Variants in SCNN1B observed in about 807,000 individuals in gnomAD.
SCNN1B encodes sodium channel epithelial 1 subunit beta, also known as epithelial sodium channel subunit beta.
Under a neutral mutation model 65.3 loss-of-function variants are expected in SCNN1B, and 46 were observed. The observed-to-expected ratio is 0.70, with a 90% CI of 0.56 to 0.90. SCNN1B has a LOEUF of 0.90. Ranked by LOEUF, SCNN1B falls within the 40% of genes least tolerant of loss-of-function variation. The probability of loss-of-function intolerance (pLI) is 0.00; values close to 1 mark genes in which losing one functional copy is unlikely to be tolerated. For synonymous variants in SCNN1B, 349 were observed against 330.6 expected, an observed-to-expected ratio of 1.06 and a Z score of -0.60; for missense variants, 751 against 830.5, an observed-to-expected ratio of 0.90 and a Z score of 1.18.
At chr16:23,368,626 G>C (rs376895981) in intron 5 of SCNN1B, among the ~76,000 whole-genome samples, 2 of 152,122 alleles carry the variant, frequency 1.3e-5, no homozygotes, top group African/African-American at 4.8e-5. Flanking sequence ...ATAGTAAATC[G>C]TATCTACCGT....
At chr16:23,371,727 G>A in intron 6 of SCNN1B, 49 bp from the exon 7 acceptor site, 2 of 1,463,338 alleles carry the variant, frequency 1.4e-6, no homozygotes, top group Non-Finnish European at 9.6e-7. Flanking sequence ...TGCAGAAAGG[G>A]CTTCCTGGGG....
At chr16:23,347,059 T>C (rs1962205286) in intron 1 of SCNN1B, among the ~76,000 whole-genome samples, 1 of 152,124 alleles carries the variant, frequency 6.6e-6, no homozygotes, top group Admixed American at 6.6e-5. Flanking sequence ...ATCATGCCAC[T>C]GCACTCCAGC....
At chr16:23,364,342 G>A (rs1175618809) in intron 4 of SCNN1B, among the ~76,000 whole-genome samples, 1 of 152,186 alleles carries the variant, frequency 6.6e-6, no homozygotes, top group East Asian at 1.9e-4. Flanking sequence ...ATGGGGAGAA[G>A]CCAGTATCTG....
rs574373607 is a variant in SCNN1B, at chr16:23,307,469, G to A, written c.-9+5032G>A. Among the ~76,000 whole-genome samples, 30 of 151,948 alleles carry A rather than the reference G, an allele frequency of 2.0e-4. No homozygotes were observed. The South Asian group carries it at 5.4e-3, about 27-fold the overall frequency. The stretch of plus-strand genomic sequence containing the variant: ...CAAGTAGCTGGGATTACAAGAGTCC[G>A]CCACCATGCCCAGCTAATTTTTGTA... On this transcript the variant is annotated intron_variant, in intron 1 of 12. Transcript: ENST00000343070.
At chr16:23,330,972 G>A (rs1283421480) in intron 1 of SCNN1B, among the ~76,000 whole-genome samples, 1 of 152,166 alleles carries the variant, frequency 6.6e-6, no homozygotes, top group African/African-American at 2.4e-5. Flanking sequence ...AAGGACCCTG[G>A]CACATGCTCC....
chr16:23,376,106 T>A (rs1038916074), intron 8 of SCNN1B, among the ~76,000 whole-genome samples: 2 of 152,254 alleles, frequency 1.3e-5, no homozygotes, highest in African/African-American at 4.8e-5. Context: ...GCACGTGTCC[T>A]TGTGGGCCTG....
chr16:23,335,745 C>A (rs1363343182), intron 1 of SCNN1B, among the ~76,000 whole-genome samples: 2 of 146,452 alleles, frequency 1.4e-5, no homozygotes, highest in Non-Finnish European at 3.0e-5. Context: ...CTGTGCCCGG[C>A]CTCTATTTTT....
At chr16:23,371,588 G>T (rs34622290) in intron 6 of SCNN1B, 126 bp downstream of exon 6, 3 of 1,139,774 alleles carry the variant, frequency 2.6e-6, no homozygotes, top group South Asian at 1.4e-5. Context: ...CCTTCCTTTT[G>T]GCTGGAATCC....
At chr16:23,297,797 G>T (rs1961018560), upstream of SCNN1B, among the ~76,000 whole-genome samples, 1 of 152,008 alleles carries the variant, frequency 6.6e-6, no homozygotes, top group Non-Finnish European at 1.5e-5. Context: ...AATGAATGAA[G>T]TCAACACCCC....
At position 23,380,036 on chromosome 16, in the gene SCNN1B, G is replaced by T. The variant is rs1377116276; in HGVS notation, c.1467-58G>T. 3 of 1,266,254 alleles carry T rather than the reference G, an allele frequency of 2.4e-6. No homozygotes were observed. The highest frequency in any genetic ancestry group is 3.5e-6 in the Non-Finnish European group (3 of 863,026). 78.4% of individuals were successfully genotyped at this position (1,266,254 alleles called of 1,614,324 possible). On this transcript the variant is annotated intron_variant, in intron 11 of 12. Transcript: ENST00000343070. This position sits in a 1 kb window ranked among gnomAD's most constrained non-coding sequence, Gnocchi z 5.4. ...CATGTGTCTATGTGCGTGTGTGTGT[G>T]TCTGTCTGTTTGGAAGGGGGATACA...
intron 7 of SCNN1B, chr16:23,372,270 A>G: frequency 3.0e-6 from 1 of 336,138 alleles, no homozygotes; most frequent in South Asian, 2.8e-5. Context: ...TCCTGCCATG[A>G]ATCTACAATA....
intron 1 of SCNN1B, among the ~76,000 whole-genome samples, chr16:23,343,615 GAAA>G (rs1962117210): frequency 9.4e-5 from 10 of 106,854 alleles, no homozygotes; most frequent in African/African-American, 3.8e-4. Flanking sequence ...AAGAAAGAAA[GAAA>G]GAAAGAAAGA....
Position 23,316,579 on chromosome 16 carries a change from C to T in SCNN1B, c.-9+14142C>T, listed in dbSNP as rs1241436223. Among the ~76,000 whole-genome samples the T allele has an allele frequency of 4.6e-5, 6 of 129,798 alleles. No homozygotes were observed. In the East Asian group the frequency reaches 1.2e-3, roughly 25 times the overall value. 85.2% of individuals were successfully genotyped at this position (129,798 alleles called of 152,430 possible). On this transcript the variant is annotated intron_variant, in intron 1 of 12. Coordinates refer to ENST00000343070, the MANE Select transcript of SCNN1B (RefSeq NM_000336.3). ...TTATCACCATCCTCACCATCACCAC[C>T]ATCACCATCTTCACCACCATCACCA...
At chr16:23,292,801 G>A (rs1030132124) in intron 2 of SCNN1B, among the ~76,000 whole-genome samples, 4 of 151,018 alleles carry the variant, frequency 2.6e-5, no homozygotes, top group African/African-American at 9.7e-5. Context: ...ACTGTGCCCG[G>A]CCAGCAATTC....
intron 1 of SCNN1B, among the ~76,000 whole-genome samples, chr16:23,326,420 C>A (rs1961697981): frequency 6.6e-6 from 1 of 151,974 alleles, no homozygotes; most frequent in Non-Finnish European, 1.5e-5. Context: ...TTTTCCTATG[C>A]ACATAGATGC....
chr16:23,329,857 T>G (rs1258242385), intron 1 of SCNN1B, among the ~76,000 whole-genome samples: 3 of 152,104 alleles, frequency 2.0e-5, no homozygotes, highest in Non-Finnish European at 4.4e-5. Context: ...AGACTCTGTC[T>G]CTACAAAATA....
intron 8 of SCNN1B, among the ~76,000 whole-genome samples, chr16:23,376,646 G>C (rs1050607741): frequency 6.6e-6 from 1 of 150,754 alleles, no homozygotes; most frequent in Non-Finnish European, 1.5e-5. Flanking sequence ...GCAGTGGCTC[G>C]TGCCTGTAAT....
intron 11 of SCNN1B, among the ~76,000 whole-genome samples, chr16:23,379,481 G>A (rs1962991049): frequency 6.6e-6 from 1 of 152,100 alleles, no homozygotes; most frequent in African/African-American, 2.4e-5. Flanking sequence ...CCAAGGAGGA[G>A]TAAGTGCTGT....
intron 2 of SCNN1B, among the ~76,000 whole-genome samples, chr16:23,297,166 A>G (rs1034959577): frequency 6.6e-6 from 1 of 152,172 alleles, no homozygotes; most frequent in African/African-American, 2.4e-5. Flanking sequence ...TCAGGAGGGT[A>G]GCACATGCCT....
Sources: gnomAD v4.1 joint callset for allele counts (sites outside exome capture counted in the v4.1 genomes callset) on GRCh38, gnomAD v4.1.1 for gene constraint, Gnocchi (gnomAD v3.1) non-coding constraint, MANE v1.5 for transcripts, NCBI Gene and HGNC (gene_info 2026-07-23, HGNC 2026-07-21) for gene names.